VPS36: variants seen among roughly 807,000 people sequenced by gnomAD.
The protein encoded by VPS36 is vacuolar protein-sorting-associated protein 36.
A neutral mutation model predicts 63.5 loss-of-function variants in VPS36; 31 were observed. The observed-to-expected ratio is 0.49, with a 90% confidence interval of 0.37 to 0.66. VPS36 has a LOEUF of 0.66. Ranked by LOEUF, VPS36 falls within the 30% of genes least tolerant of loss-of-function variation. VPS36 has a pLI of 0.00. For synonymous variants in VPS36, 138 were observed against 157.2 expected (o/e 0.88, Z 0.91); for missense variants, 338 against 463.7 (o/e 0.73, Z 2.49).
intron 1 of VPS36, chr13:52,450,172 G>T (rs1391039456): frequency 7.9e-6 from 8 of 1,014,146 alleles, no homozygotes; most frequent in Non-Finnish European, 8.2e-6. Flanking sequence ...GCCCGCAGAC[G>T]GCGAGCGCTC....
At position 52,450,619 on chromosome 13, in the gene VPS36, C is replaced by T. The variant is rs1958393090; in HGVS notation, c.-25G>A. ...TGGCCGCTGCCACCCAGCCCCGGCC[C>T]TCCGAGGCCGCGAGCAGCGCGCCAG... On this transcript the variant is annotated 5_prime_UTR_variant, in exon 1 of 14. Transcript: ENST00000378060. 3 of 1,549,548 alleles carry T rather than the reference C, an allele frequency of 1.9e-6. No individual in the cohort carries two copies. In the Admixed American group the frequency reaches 5.6e-5, roughly 29 times the overall value.
chr13:52,433,148 A>G (rs556557870), intron 6 of VPS36, among the ~76,000 whole-genome samples: 1 of 152,280 alleles, frequency 6.6e-6, no homozygotes, highest in South Asian at 2.1e-4. Context: ...TTCCTCATAT[A>G]TCATGAAGCC....
chr13:52,415,422 A>G lies in VPS36; in HGVS notation c.*408T>C, dbSNP rs1957984231. ...GCATGCTGCAGTATATTTTGTCCCA[A>G]CATTGTCATGTGCAATCAGTGAATT... is the stretch of plus-strand genomic sequence containing the variant. On this transcript the variant is annotated 3_prime_UTR_variant, in exon 14 of 14. Coordinates refer to ENST00000378060, the MANE Select transcript of VPS36 (RefSeq NM_016075.4). 6.0e-6 allele frequency: 1 copy of G among 166,406 alleles called. No individual in the cohort carries two copies. Among genetic ancestry groups the G allele is most frequent in the Non-Finnish European group, 1.3e-5 (1 of 77,112 alleles). The allele number at this position is 166,406 out of a possible 1,614,324, so 10.3% of individuals were successfully genotyped here.
chr13:52,423,696 T>A lies in VPS36; in HGVS notation c.775-57A>T, dbSNP rs900031666. The A allele has an allele frequency of 2.8e-5, 40 of 1,429,182 alleles. No homozygotes were observed. In the East Asian group the frequency reaches 9.1e-4, roughly 33 times the overall value. 88.5% of individuals were successfully genotyped at this position (1,429,182 alleles called of 1,614,324 possible). A position where few individuals can be genotyped will look rare whatever the true frequency, so the allele number is the denominator to read the frequency against. On this transcript the variant is annotated intron_variant, in intron 9 of 13. Transcript: ENST00000378060. Reference sequence around the variant, plus strand: ...TATGTTACAATTACACCAGTTAGCATTTCTTAACAGAAATCATAATCACAG... The same window carrying A: ...TATGTTACAATTACACCAGTTAGCAATTCTTAACAGAAATCATAATCACAG...
intron 6 of VPS36, among the ~76,000 whole-genome samples, chr13:52,431,742 G>A (rs546410964): frequency 2.2e-5 from 3 of 136,398 alleles, no homozygotes; most frequent in South Asian, 4.7e-4. Flanking sequence ...CAGCCTAAGC[G>A]ACAGAGTAAG....
chr13:52,416,447 C>T, intron 12 of VPS36: 1 of 193,398 alleles, frequency 5.2e-6, no homozygotes, highest in Non-Finnish European at 1.1e-5. Context: ...AGGGACTTTA[C>T]ATATGGGTTT....
rs541599031 is a variant in VPS36, at chr13:52,419,535, A to G, written c.841-1479T>C. Among the ~76,000 whole-genome samples, 20 of 152,316 alleles carry G rather than the reference A, an allele frequency of 1.3e-4. No homozygotes were observed. In the South Asian group the frequency reaches 4.1e-3, roughly 32 times the overall value. The stretch of plus-strand genomic sequence containing the variant: ...TGTGGGGAAAGGGGAACTCTTACAC[A>G]TTGTTGGTGGGAAGGTAAATTAGTA... On this transcript the variant is annotated intron_variant, in intron 10 of 13. Coordinates refer to ENST00000378060, the MANE Select transcript of VPS36 (RefSeq NM_016075.4).
intron 12 of VPS36, 29 bp downstream of exon 12, chr13:52,417,028 A>G: frequency 6.3e-7 from 1 of 1,599,038 alleles, no homozygotes; most frequent in Non-Finnish European, 8.6e-7. Flanking sequence ...AGCAAGCTCT[A>G]AAGACTGGAG....
chr13:52,429,310 G>A (rs41292816), intron 6 of VPS36: 236 of 984,338 alleles, frequency 2.4e-4, no homozygotes, highest in Non-Finnish European at 2.7e-4. Flanking sequence ...ACTCTTGAAT[G>A]TGCCTTGCAT....
chr13:52,419,038 T>C (rs1958020955), intron 10 of VPS36, among the ~76,000 whole-genome samples: 2 of 152,376 alleles, frequency 1.3e-5, no homozygotes, highest in East Asian at 3.9e-4. Context: ...AGTAGCCATG[T>C]CACTGAGTTA....
At chr13:52,420,314 A>C (rs2137773962) in intron 10 of VPS36, among the ~76,000 whole-genome samples, 1 of 151,426 alleles carries the variant, frequency 6.6e-6, no homozygotes, top group Admixed American at 6.6e-5. Context: ...ACAATAATTT[A>C]TTGTATATTT....
At chr13:52,438,607 C>T (rs1958242547) in intron 3 of VPS36, among the ~76,000 whole-genome samples, 1 of 152,182 alleles carries the variant, frequency 6.6e-6, no homozygotes, top group African/African-American at 2.4e-5. Flanking sequence ...GAACTTACGC[C>T]TTTATACCAG....
intron 1 of VPS36, among the ~76,000 whole-genome samples, chr13:52,446,099 T>A (rs1594125788): frequency 1.5e-5 from 2 of 137,172 alleles, no homozygotes; most frequent in African/African-American, 2.7e-5. Context: ...AAATAAAAAA[T>A]AAAAAATAAA....
intron 8 of VPS36, 118 bp from the exon 9 acceptor site, chr13:52,426,184 G>A: frequency 7.8e-7 from 1 of 1,285,748 alleles, no homozygotes; most frequent in Non-Finnish European, 1.1e-6. Flanking sequence ...CTTCTACTGT[G>A]TTTCTATGCT....
chr13:52,447,043 T>G (rs1173087371), intron 1 of VPS36, among the ~76,000 whole-genome samples: 2 of 151,594 alleles, frequency 1.3e-5, no homozygotes, highest in Non-Finnish European at 2.9e-5. Flanking sequence ...GCCCAGCTAA[T>G]TTTTTGTATT....
At chr13:52,449,952 A>T (rs1195515649) in intron 1 of VPS36, 3 of 985,468 alleles carry the variant, frequency 3.0e-6, no homozygotes, top group Middle Eastern at 5.2e-4. Context: ...ATCCTTTCGA[A>T]GCAATCCCTC....
chr13:52,441,538 G>A (rs1343584122), intron 2 of VPS36, among the ~76,000 whole-genome samples: 2 of 152,168 alleles, frequency 1.3e-5, no homozygotes, highest in African/African-American at 4.8e-5. Flanking sequence ...AGATCACGAG[G>A]TCAGGAGTTA....
chr13:52,432,803 A>T (rs1011141935), intron 6 of VPS36, among the ~76,000 whole-genome samples: 1 of 152,230 alleles, frequency 6.6e-6, no homozygotes, highest in Non-Finnish European at 1.5e-5. Flanking sequence ...TACTATGGGC[A>T]CTTAATAGGT....
chr13:52,418,057 C>T lies in VPS36; in HGVS notation c.841-1G>A, dbSNP rs758832269. ...TCACTAAATCTTCTGGTGAGAGCAA[C>T]TAATAGGGAAAAAAAATCCAGTAAT... is the stretch of plus-strand genomic sequence containing the variant. On this transcript the variant is annotated splice_acceptor_variant, in intron 10 of 13. Transcript: ENST00000378060. LOFTEE classifies it high-confidence loss of function. 10 of 1,608,438 alleles carry T rather than the reference C, an allele frequency of 6.2e-6. No individual in the cohort carries two copies. The highest frequency in any genetic ancestry group is 6.8e-6 in the Non-Finnish European group (8 of 1,177,666).
Sources: gnomAD v4.1 joint callset for allele counts (sites outside exome capture counted in the v4.1 genomes callset) on GRCh38, gnomAD v4.1.1 for gene constraint, MANE v1.5 for transcripts, NCBI Gene and HGNC (gene_info 2026-07-23, HGNC 2026-07-21) for gene names.